The following ADAM23 variants were observed in gnomAD, a reference collection of about 807,000 sequenced individuals.
ADAM23 encodes disintegrin and metalloproteinase domain-containing protein 23.
ADAM23 carries 33 observed loss-of-function variants against 120.1 expected under a neutral mutation model. The observed-to-expected ratio is 0.27, with a 90% CI of 0.21 to 0.37. ADAM23 has a LOEUF of 0.37. Among genes scored for constraint, ADAM23 ranks in the 10% least tolerant of loss-of-function variants. ADAM23 has a pLI of 1.00. For missense variants in ADAM23, 862 were observed against 1,058.2 expected (o/e 0.81, Z 2.57); for synonymous variants, 367 against 375.2 (o/e 0.98, Z 0.25).
intron 3 of ADAM23, among the ~76,000 whole-genome samples, chr2:206,499,345 G>A (rs1696331014): frequency 6.6e-6 from 1 of 151,854 alleles, no homozygotes; most frequent in South Asian, 2.1e-4. Context: ...CCTTTGTAGG[G>A]ACATGGATGA....
At chr2:206,587,973 T>A (rs1698355727) in intron 19 of ADAM23, 118 bp from the exon 20 acceptor site, 1 of 980,006 alleles carries the variant, frequency 1.0e-6, no homozygotes, top group Non-Finnish European at 1.6e-6. Flanking sequence ...ACTATAAAAA[T>A]ATTAGGGTAT....
intron 2 of ADAM23, among the ~76,000 whole-genome samples, chr2:206,469,722 A>G (rs536557694): frequency 1.1e-4 from 16 of 152,242 alleles, no homozygotes; most frequent in African/African-American, 3.4e-4. Context: ...TTCTGTGACT[A>G]TTGCCTGCAC....
chr2:206,512,439 A>G (rs1287861783), intron 3 of ADAM23, among the ~76,000 whole-genome samples: 1 of 152,224 alleles, frequency 6.6e-6, no homozygotes, highest in Non-Finnish European at 1.5e-5. Context: ...TTTAGATACT[A>G]TAATCAGCTG....
chr2:206,542,981 C>T (rs895614414), intron 5 of ADAM23, among the ~76,000 whole-genome samples: 3 of 152,156 alleles, frequency 2.0e-5, no homozygotes, highest in African/African-American at 7.2e-5. Context: ...TCTAATCTGT[C>T]TGTTGAATTT....
Position 206,443,729 on chromosome 2 carries a change from T to G in ADAM23, c.-138T>G. 4.1e-6 allele frequency: 1 copy of G among 244,132 alleles called. No individual in the cohort carries two copies. Among genetic ancestry groups the G allele is most frequent in the Non-Finnish European group, 6.4e-6 (1 of 155,230 alleles). 15.1% of individuals were successfully genotyped at this position (244,132 alleles called of 1,614,324 possible). On this transcript the variant is annotated 5_prime_UTR_variant, in exon 1 of 26. Transcript: ENST00000264377. ...GCCCAGCCCCGAGCCCCGCGCCCCG[T>G]GCCCCGAGCCCGGAGCCCCCTGCCC...
At chr2:206,478,557 A>G (rs1695831524) in intron 2 of ADAM23, among the ~76,000 whole-genome samples, 1 of 151,956 alleles carries the variant, frequency 6.6e-6, no homozygotes, top group African/African-American at 2.4e-5. Context: ...TGTGCCAGAA[A>G]TGGTGCTGAG....
chr2:206,612,805 T>C (rs995114033), intron 25 of ADAM23, among the ~76,000 whole-genome samples: 6 of 152,206 alleles, frequency 3.9e-5, no homozygotes, highest in African/African-American at 1.2e-4. Flanking sequence ...TGTATGTGAA[T>C]GTGTGCACAT....
At chr2:206,444,195 C>A in intron 1 of ADAM23, 115 bp downstream of exon 1, 1 of 770,834 alleles carries the variant, frequency 1.3e-6, no homozygotes. Context: ...CCTTTCCTTC[C>A]CTCCCTGCCT....
intron 2 of ADAM23, 122 bp from the exon 3 acceptor site, chr2:206,481,110 A>G: frequency 3.2e-6 from 2 of 620,246 alleles, no homozygotes; most frequent in Non-Finnish European, 5.3e-6. Flanking sequence ...TTGCTATATG[A>G]TGATACATAA....
In ADAM23 at chr2:206,617,686, G is replaced by A. The variant is rs9917158; in HGVS notation, c.*59G>A. ...GTTGGATTCTGGGTATGACATACTC[G>A]CAGCAGTGTTACTGGAACTATTAAG... On this transcript the variant is annotated 3_prime_UTR_variant, in exon 26 of 26. Coordinates refer to ENST00000264377, the MANE Select transcript of ADAM23 (RefSeq NM_003812.4). 1,086 of 1,605,230 alleles carry A rather than the reference G, an allele frequency of 6.8e-4. 7 individuals are homozygous for A. In the African/African-American group the frequency reaches 0.012, roughly 17 times the overall value.
chr2:206,610,018 T>C lies in ADAM23; in HGVS notation c.2450+18T>C. ...GGATTTAAGTAAGCAACGCCGCATG[T>C]CTTCTTCTCAGTGGCTCTGGCATTT... On this transcript the variant is annotated intron_variant, in intron 25 of 25. Transcript: ENST00000264377. The C allele has an allele frequency of 5.8e-6, 9 of 1,541,704 alleles. No homozygotes were observed. The highest frequency in any genetic ancestry group is 7.8e-6 in the Non-Finnish European group (9 of 1,153,854).
At chr2:206,525,740 C>T (rs966528406) in intron 3 of ADAM23, among the ~76,000 whole-genome samples, 7 of 151,990 alleles carry the variant, frequency 4.6e-5, no homozygotes, top group Non-Finnish European at 8.8e-5. Flanking sequence ...TACAGACGCT[C>T]ACCACCACAC....
chr2:206,459,658 A>G (rs762507037), intron 2 of ADAM23, among the ~76,000 whole-genome samples: 7 of 152,286 alleles, frequency 4.6e-5, no homozygotes, highest in South Asian at 4.1e-4. Flanking sequence ...TATTTAACCT[A>G]TATCTCCACT....
At position 206,570,833 on chromosome 2, in the gene ADAM23, T is replaced by A. The variant is rs113772860; in HGVS notation, c.1566+22T>A. The stretch of plus-strand genomic sequence containing the variant: ...TGTGGTAGGTATAAGAAACCTTCTA[T>A]ACTTACAGCACAGATCTTACTTGGT... On this transcript the variant is annotated intron_variant, in intron 16 of 25. Coordinates refer to ENST00000264377, the MANE Select transcript of ADAM23 (RefSeq NM_003812.4). 3.8e-6 allele frequency: 6 copies of A among 1,598,214 alleles called. No individual in the cohort carries two copies. The African/African-American group carries it at 4.0e-5, about 11-fold the overall frequency.
At chr2:206,477,893 AAAAAATAT>A (rs1423992551) in intron 2 of ADAM23, among the ~76,000 whole-genome samples, 3 of 101,474 alleles carry the variant, frequency 3.0e-5, no homozygotes, top group African/African-American at 1.4e-4. Flanking sequence ...AAAAAAAAAA[AAAAAATAT>A]ATATATATAT....
At chr2:206,570,932 G>A in intron 16 of ADAM23, 121 bp downstream of exon 16, 8 of 801,394 alleles carry the variant, frequency 1.0e-5, no homozygotes, top group South Asian at 6.6e-5. Flanking sequence ...TCATCTCTCT[G>A]ATTAGTGCTT....
chr2:206,544,782 T>G (rs963802946), intron 6 of ADAM23, among the ~76,000 whole-genome samples: 1 of 151,966 alleles, frequency 6.6e-6, no homozygotes, highest in East Asian at 1.9e-4. Context: ...CCAGCTAATT[T>G]TTTGTATTTT....
intron 24 of ADAM23, among the ~76,000 whole-genome samples, chr2:206,605,629 TA>T (rs1458739502): frequency 2.0e-5 from 3 of 152,254 alleles, no homozygotes. Context: ...TATCCTCAAA[TA>T]TCTTCAATGT....
At chr2:206,473,572 A>AAATAATAATAATAAT (rs137861771) in intron 2 of ADAM23, among the ~76,000 whole-genome samples, 2,951 of 147,154 alleles carry the variant, frequency 0.02, 40 homozygotes, top group Admixed American at 0.043. Flanking sequence ...CCCATCTCTA[A>AAATAATAATAATAAT]AATAATAATA....
Sources: gnomAD v4.1 joint callset for allele counts (sites outside exome capture counted in the v4.1 genomes callset) on GRCh38, gnomAD v4.1.1 for gene constraint, MANE v1.5 for transcripts, NCBI Gene and HGNC (gene_info 2026-07-23, HGNC 2026-07-21) for gene names.